The following MAP4K3 variants were observed in gnomAD, a reference collection of about 807,000 sequenced individuals.
The protein encoded by MAP4K3 is MAPK/ERK kinase kinase kinase 3.
In MAP4K3, 94 loss-of-function variants were observed where a neutral mutation model predicts 143.5. The ratio of observed to expected loss-of-function variants is 0.65; its 90% CI spans 0.55 to 0.78. MAP4K3 has a LOEUF of 0.78. Among genes scored for constraint, MAP4K3 ranks in the 30% least tolerant of loss-of-function variants. The pLI, the probability that MAP4K3 is intolerant of heterozygous loss-of-function variation, is 0.00. For synonymous variants in MAP4K3, 416 were observed against 347.2 expected, an observed-to-expected ratio of 1.20 and a Z score of -2.20; for missense variants, 1,077 against 1,068.1, an observed-to-expected ratio of 1.01 and a Z score of -0.12.
At chr2:39,292,162 TATA>T (rs1024512697) in intron 18 of MAP4K3, among the ~76,000 whole-genome samples, 3 of 152,228 alleles carry the variant, frequency 2.0e-5, no homozygotes, top group Non-Finnish European at 2.9e-5. Context: ...TAATCAAATT[TATA>T]ATAAGCTTCT....
At position 39,263,002 on chromosome 2, in the gene MAP4K3, G is replaced by A. The variant is rs570167159; in HGVS notation, c.2136+2201C>T. Among the ~76,000 whole-genome samples the A allele has an allele frequency of 9.2e-4, 140 of 151,894 alleles. 1 individual carries two copies. Among genetic ancestry groups the A allele is most frequent in the African/African-American group, 3.0e-3 (125 of 41,442 alleles). On this transcript the variant is annotated intron_variant, in intron 28 of 33. Transcript: ENST00000263881. ...CAGCTACTCGGGAGGCTGAGGCAGA[G>A]AACTGCTTGATCCTGGGAGGCTGAG... is the stretch of plus-strand genomic sequence containing the variant.
At position 39,309,536 on chromosome 2, in the gene MAP4K3, A is replaced by C. The variant is rs1682862897; in HGVS notation, c.998-17T>G. On this transcript the variant is annotated splice_polypyrimidine_tract_variant and intron_variant, in intron 13 of 33. Coordinates refer to ENST00000263881, the MANE Select transcript of MAP4K3 (RefSeq NM_003618.4). ...CTTGGCCAACTAAAAAAGAAAAAAA[A>C]GTAAAACCAGGATTTTTTTTTTTTT... is the stretch of plus-strand genomic sequence containing the variant. 1 of 1,441,952 alleles carries C rather than the reference A, an allele frequency of 6.9e-7. No individual in the cohort carries two copies. Among genetic ancestry groups the C allele is most frequent in the Admixed American group, 2.0e-5 (1 of 49,600 alleles). The allele number at this position is 1,441,952 out of a possible 1,614,324, so 89.3% of individuals were successfully genotyped here.
At chr2:39,425,283 G>A (rs1389639956) in intron 1 of MAP4K3, among the ~76,000 whole-genome samples, 1 of 152,018 alleles carries the variant, frequency 6.6e-6, no homozygotes, top group Admixed American at 6.5e-5. Flanking sequence ...AGACTAATCC[G>A]AAAGCACTAA....
intron 29 of MAP4K3, among the ~76,000 whole-genome samples, chr2:39,259,069 T>A (rs1200198032): frequency 6.6e-6 from 1 of 150,524 alleles, no homozygotes; most frequent in Non-Finnish European, 1.5e-5. Context: ...CATGGCTCCC[T>A]GCAGCCTTGA....
chr2:39,320,417 A>G (rs1311668060), intron 12 of MAP4K3, among the ~76,000 whole-genome samples: 1 of 152,182 alleles, frequency 6.6e-6, no homozygotes, highest in Middle Eastern at 3.2e-3. Context: ...GCAGTAGGAT[A>G]TAAATAACTC....
intron 15 of MAP4K3, 31 bp downstream of exon 15, chr2:39,307,912 C>T (rs763669249): frequency 6.8e-6 from 10 of 1,478,782 alleles, no homozygotes; most frequent in Non-Finnish European, 9.1e-6. Context: ...TAAAACAATG[C>T]TGACAAAGAA....
intron 1 of MAP4K3, among the ~76,000 whole-genome samples, chr2:39,403,268 T>C (rs1476248227): frequency 6.6e-6 from 1 of 152,148 alleles, no homozygotes; most frequent in Non-Finnish European, 1.5e-5. Context: ...AAAAAGCACC[T>C]TTATAAGAAC....
chr2:39,427,828 A>G (rs1665141132), intron 1 of MAP4K3, among the ~76,000 whole-genome samples: 1 of 152,334 alleles, frequency 6.6e-6, no homozygotes, highest in African/African-American at 2.4e-5. Context: ...AAATTCTTCA[A>G]CTGGCATTCA....
intron 1 of MAP4K3, among the ~76,000 whole-genome samples, chr2:39,416,642 G>A (rs186627674): frequency 1.1e-3 from 172 of 152,338 alleles, no homozygotes; most frequent in Admixed American, 2.0e-3. Context: ...ATTTCTGCAA[G>A]TTTGACTATT....
intron 1 of MAP4K3, among the ~76,000 whole-genome samples, chr2:39,410,282 C>T (rs998569540): frequency 6.6e-6 from 1 of 152,142 alleles, no homozygotes; most frequent in African/African-American, 2.4e-5. Flanking sequence ...CAGGACATAC[C>T]ACAAATAGCC....
chr2:39,255,622 G>T (rs1281082833), intron 31 of MAP4K3, among the ~76,000 whole-genome samples: 1 of 152,166 alleles, frequency 6.6e-6, no homozygotes, highest in Non-Finnish European at 1.5e-5. Flanking sequence ...ATATTGGGTA[G>T]AAAACGATTT....
At chr2:39,329,987 A>C (rs1486978935) in intron 8 of MAP4K3, among the ~76,000 whole-genome samples, 4 of 152,142 alleles carry the variant, frequency 2.6e-5, no homozygotes, top group Non-Finnish European at 5.9e-5. Flanking sequence ...AGAACAAAAA[A>C]GATTTTTTTG....
chr2:39,274,294 G>A (rs899147869), intron 24 of MAP4K3, among the ~76,000 whole-genome samples: 1 of 150,266 alleles, frequency 6.7e-6, no homozygotes, highest in Non-Finnish European at 1.5e-5. Flanking sequence ...TCCGCTCACT[G>A]CAAGCTCCGC....
intron 13 of MAP4K3, among the ~76,000 whole-genome samples, chr2:39,312,792 G>A (rs115769470): frequency 3.3e-5 from 5 of 152,086 alleles, no homozygotes; most frequent in African/African-American, 1.2e-4. Flanking sequence ...CTTGATAAAG[G>A]CCTATTGAAC....
intron 1 of MAP4K3, among the ~76,000 whole-genome samples, chr2:39,411,164 C>A (rs1667222715): frequency 6.6e-6 from 1 of 152,180 alleles, no homozygotes; most frequent in Admixed American, 6.5e-5. Context: ...TGGATATTTA[C>A]ATCAGAGAAA....
rs755816984 is a variant in MAP4K3, at chr2:39,315,378, G to A, written c.929C>T (p.Ala310Val). ...TGTTGAGTGAATTCTATGTGGTACA[G>A]CAACAAGAGGCTAGAAAAGAACAAA... ...FDDDDPEPLV[A>V]VPHRIHSTSR... The change falls in exon 13 of 34, where the codon GCT (alanine) becomes GTT (valine). Residue 310 changes from alanine to valine, a missense_variant. Ala to Val is a moderately conservative substitution (Grantham distance 64). Around this residue, in one of 2 missense-constraint regions of MAP4K3, gnomAD observed 864 missense variants for 801.2 expected, o/e 1.08. Transcript: ENST00000263881. 2.5e-5 allele frequency: 40 copies of A among 1,609,232 alleles called. No individual in the cohort carries two copies. The highest frequency in any genetic ancestry group is 3.3e-5 in the Non-Finnish European group (39 of 1,177,256).
chr2:39,395,541 A>G (rs1666781952), intron 1 of MAP4K3, among the ~76,000 whole-genome samples: 1 of 152,220 alleles, frequency 6.6e-6, no homozygotes, highest in Admixed American at 6.5e-5. Context: ...TCCCTTTCTC[A>G]CTATTAGGGT....
chr2:39,387,249 G>A (rs1666529673), intron 1 of MAP4K3, among the ~76,000 whole-genome samples: 1 of 151,592 alleles, frequency 6.6e-6, no homozygotes, highest in African/African-American at 2.4e-5. Context: ...GAGCCAGCTT[G>A]TCTGTTTAAA....
At chr2:39,285,162 G>A (rs1191481965) in intron 21 of MAP4K3, among the ~76,000 whole-genome samples, 1 of 152,060 alleles carries the variant, frequency 6.6e-6, no homozygotes, top group Non-Finnish European at 1.5e-5. Context: ...AAAGCACTGG[G>A]ATTACAGATG....
Sources: allele counts gnomAD v4.1 joint callset (sites outside exome capture counted in the v4.1 genomes callset), GRCh38; gene constraint gnomAD v4.1.1; regional missense constraint gnomAD v4.1.1; transcripts MANE v1.5; gene names NCBI Gene and HGNC (gene_info 2026-07-23, HGNC 2026-07-21).